Variants in CSMD1 observed in about 807,000 individuals in gnomAD.
The protein encoded by CSMD1 is CUB and Sushi multiple domains 1, also known as CUB and sushi domain-containing protein 1.
Under a neutral mutation model 417.5 loss-of-function variants are expected in CSMD1, and 213 were observed. The observed-to-expected ratio is 0.51, with a 90% CI of 0.46 to 0.57. CSMD1 has a LOEUF of 0.57. CSMD1 is among the 20% of genes least tolerant of loss of function. CSMD1 has a pLI of 0.00. For synonymous variants in CSMD1, 2,862 were observed against 1,736.8 expected, an observed-to-expected ratio of 1.65 and a Z score of -16.11; for missense variants, 6,923 against 4,529.7, an observed-to-expected ratio of 1.53 and a Z score of -15.17.
chr8:3,248,299 G>T (rs191566172), intron 26 of CSMD1, among the ~76,000 whole-genome samples: 1 of 104,596 alleles, frequency 9.6e-6, no homozygotes, highest in African/African-American at 3.3e-5. Flanking sequence ...GACAGTACTG[G>T]CTTGCACCTG....
intron 1 of CSMD1, among the ~76,000 whole-genome samples, chr8:4,834,940 G>A (rs1344373476): frequency 8.8e-6 from 1 of 114,228 alleles, no homozygotes; most frequent in African/African-American, 3.4e-5. Flanking sequence ...CTGGGCGACA[G>A]GGCCAGACTC....
At chr8:3,986,197 G>A (rs942006641) in intron 5 of CSMD1, among the ~76,000 whole-genome samples, 9 of 151,942 alleles carry the variant, frequency 5.9e-5, no homozygotes, top group African/African-American at 1.7e-4. Flanking sequence ...GCTGCCCCTC[G>A]GTCCTGAGAT....
chr8:4,709,557 G>A (rs1482729311), intron 1 of CSMD1, among the ~76,000 whole-genome samples: 7 of 152,220 alleles, frequency 4.6e-5, no homozygotes, highest in African/African-American at 7.2e-5. Context: ...AGCCTCTGTC[G>A]TTGCTCACCG....
At chr8:4,083,007 T>C (rs1158651000) in intron 3 of CSMD1, among the ~76,000 whole-genome samples, 2 of 152,052 alleles carry the variant, frequency 1.3e-5, no homozygotes, top group Non-Finnish European at 2.9e-5. Context: ...CTTAATCCAG[T>C]CTATCATTGT....
At chr8:4,202,633 T>C (rs562693950) in intron 3 of CSMD1, among the ~76,000 whole-genome samples, 2 of 152,192 alleles carry the variant, frequency 1.3e-5, no homozygotes, top group Non-Finnish European at 2.9e-5. Context: ...ATATTGTAAA[T>C]TTCCTCTCGA....
intron 3 of CSMD1, among the ~76,000 whole-genome samples, chr8:4,347,587 A>G (rs1461387264): frequency 6.6e-6 from 1 of 152,180 alleles, no homozygotes; most frequent in African/African-American, 2.4e-5. Context: ...TTCGCCAAAG[A>G]GAATGTAGAT....
chr8:4,007,984 C>G (rs940882596), intron 4 of CSMD1, among the ~76,000 whole-genome samples: 1 of 152,098 alleles, frequency 6.6e-6, no homozygotes, highest in African/African-American at 2.4e-5. Context: ...CCAAAAAGAA[C>G]GATTCATAAT....
At chr8:4,345,045 A>G (rs1273073724) in intron 3 of CSMD1, among the ~76,000 whole-genome samples, 1 of 152,124 alleles carries the variant, frequency 6.6e-6, no homozygotes, top group Non-Finnish European at 1.5e-5. Flanking sequence ...TCAAGCTCAG[A>G]ATTCTGTGAT....
At chr8:4,991,519 G>C (rs950995628) in intron 1 of CSMD1, among the ~76,000 whole-genome samples, 9 of 152,198 alleles carry the variant, frequency 5.9e-5, no homozygotes, top group African/African-American at 2.2e-4. Context: ...CTCTGCGCCT[G>C]CCTTCGCCAC....
intron 69 of CSMD1, among the ~76,000 whole-genome samples, chr8:2,939,625 C>T (rs1032871155): frequency 1.3e-5 from 2 of 152,258 alleles, no homozygotes; most frequent in Admixed American, 6.5e-5. Flanking sequence ...TAAGCACGCT[C>T]GCAAAAACAT....
chr8:3,105,738 TG>T (rs1816092663), intron 46 of CSMD1, among the ~76,000 whole-genome samples: 1 of 152,234 alleles, frequency 6.6e-6, no homozygotes, highest in Non-Finnish European at 1.5e-5. Flanking sequence ...ATATGCATGC[TG>T]AGGTATTTAT....
At chr8:4,241,139 T>C (rs1200848205) in intron 3 of CSMD1, among the ~76,000 whole-genome samples, 3 of 152,160 alleles carry the variant, frequency 2.0e-5, no homozygotes, top group African/African-American at 4.8e-5. Flanking sequence ...GCTTCACTGA[T>C]GGCCCTACAG....
At chr8:3,594,653 C>A (rs1467511660) in intron 8 of CSMD1, among the ~76,000 whole-genome samples, 1 of 152,196 alleles carries the variant, frequency 6.6e-6, no homozygotes, top group African/African-American at 2.4e-5. Context: ...GCCTCCACCT[C>A]ACCTCCCTTC....
At chr8:3,560,221 G>A (rs77860623) in intron 10 of CSMD1, among the ~76,000 whole-genome samples, 1 of 152,072 alleles carries the variant, frequency 6.6e-6, no homozygotes, top group African/African-American at 2.4e-5. Context: ...GTCCAAAGAA[G>A]AAATTATATT....
chr8:3,205,170 C>T (rs1280441586), intron 31 of CSMD1, among the ~76,000 whole-genome samples: 1 of 152,172 alleles, frequency 6.6e-6, no homozygotes, highest in Non-Finnish European at 1.5e-5. Context: ...TTCTGACCCA[C>T]CCACTACTTT....
intron 26 of CSMD1, among the ~76,000 whole-genome samples, chr8:3,258,800 A>T (rs1003971980): frequency 7.9e-5 from 12 of 152,218 alleles, no homozygotes; most frequent in African/African-American, 2.9e-4. Context: ...AGGAACATGG[A>T]TGGAGCTGGA....
At chr8:3,333,951 G>T (rs2117556758) in intron 23 of CSMD1, among the ~76,000 whole-genome samples, 1 of 152,246 alleles carries the variant, frequency 6.6e-6, no homozygotes, top group East Asian at 1.9e-4. Context: ...TGCATTTGAG[G>T]ACTGCCCCTC....
At chr8:3,435,907 TC>T (rs1814529092) in intron 12 of CSMD1, among the ~76,000 whole-genome samples, 2 of 152,196 alleles carry the variant, frequency 1.3e-5, no homozygotes, top group South Asian at 4.1e-4. Context: ...GGATGAGTCT[TC>T]CCCTATAGCT....
At chr8:4,727,256 T>A (rs961787190) in intron 1 of CSMD1, among the ~76,000 whole-genome samples, 6 of 152,162 alleles carry the variant, frequency 3.9e-5, no homozygotes, top group African/African-American at 1.4e-4. Flanking sequence ...GTTTTCACAT[T>A]AAACCAGTTA....
Sources: gnomAD v4.1 joint callset for allele counts (sites outside exome capture counted in the v4.1 genomes callset) on GRCh38, gnomAD v4.1.1 for gene constraint, MANE v1.5 for transcripts, NCBI Gene and HGNC (gene_info 2026-07-23, HGNC 2026-07-21) for gene names.